The following GLIS3 variants were observed in gnomAD, a reference collection of about 807,000 sequenced individuals.
The protein encoded by GLIS3 is zinc finger protein GLIS3.
A neutral mutation model predicts 78.6 loss-of-function variants in GLIS3; 53 were observed. The ratio of observed to expected loss-of-function variants is 0.67; its 90% CI spans 0.54 to 0.85. The LOEUF (loss-of-function observed/expected upper bound fraction) is 0.85. Ranked by LOEUF, GLIS3 falls within the 40% of genes least tolerant of loss-of-function variation. The probability of loss-of-function intolerance (pLI) is 0.00; values close to 1 mark genes in which losing one functional copy is unlikely to be tolerated. For synonymous variants in GLIS3, 684 were observed against 509.9 expected (o/e 1.34, Z -4.60); for missense variants, 1,703 against 1,231.1 (o/e 1.38, Z -5.74).
intron 8 of GLIS3, among the ~76,000 whole-genome samples, chr9:3,878,406 A>G (rs73384253): frequency 0.061 from 9,300 of 152,244 alleles, 955 homozygotes; most frequent in African/African-American, 0.21. Context: ...ACATTCATTA[A>G]ACAAAATAAT....
chr9:4,172,940 G>A (rs574397404), intron 2 of GLIS3, among the ~76,000 whole-genome samples: 90 of 152,206 alleles, frequency 5.9e-4, no homozygotes, highest in African/African-American at 1.9e-3. Flanking sequence ...TTGCTCTTTC[G>A]ATTTTCCGAG....
chr9:4,327,113 G>T (rs1421562180), intron 2 of GLIS3, among the ~76,000 whole-genome samples: 1 of 152,168 alleles, frequency 6.6e-6, no homozygotes, highest in Non-Finnish European at 1.5e-5. Context: ...AGTGGGACAG[G>T]AGCTGAGAGA....
intron 2 of GLIS3, among the ~76,000 whole-genome samples, chr9:4,339,573 T>C (rs1279830101): frequency 6.6e-6 from 1 of 151,044 alleles, no homozygotes; most frequent in African/African-American, 2.4e-5. Flanking sequence ...TCCAACCTGT[T>C]GCTTCTGGTC....
At chr9:4,300,487 G>A (rs1470868507), upstream of GLIS3, among the ~76,000 whole-genome samples, 1 of 152,164 alleles carries the variant, frequency 6.6e-6, no homozygotes, top group East Asian at 1.9e-4. Flanking sequence ...ATATCGGATC[G>A]GATGCACATG....
chr9:4,168,855 C>T (rs1432810302), intron 2 of GLIS3, among the ~76,000 whole-genome samples: 1 of 152,130 alleles, frequency 6.6e-6, no homozygotes, highest in African/African-American at 2.4e-5. Context: ...CCTCGTTAGG[C>T]CTAATTGTCG....
chr9:4,262,170 A>G (rs976000094), intron 2 of GLIS3, among the ~76,000 whole-genome samples: 1 of 152,068 alleles, frequency 6.6e-6, no homozygotes, highest in Non-Finnish European at 1.5e-5. Flanking sequence ...TGCAAGGGGG[A>G]GAAAAAGGAA....
intron 4 of GLIS3, among the ~76,000 whole-genome samples, chr9:4,047,443 A>C (rs1825345817): frequency 6.6e-6 from 1 of 152,000 alleles, no homozygotes; most frequent in Non-Finnish European, 1.5e-5. Flanking sequence ...ACTTTTTTAG[A>C]CCCATATTCT....
the GLIS3 span, among the ~76,000 whole-genome samples, chr9:4,363,115 C>G: frequency 6.6e-6 from 1 of 152,084 alleles, no homozygotes; most frequent in Non-Finnish European, 1.5e-5. Flanking sequence ...TAGAAGTGAT[C>G]AAAAACCAAT....
Position 4,162,852 on chromosome 9 carries a change from G to C in GLIS3, c.389-36911C>G, listed in dbSNP as rs1453776482. On this transcript the variant is annotated intron_variant, in intron 2 of 10. Coordinates refer to ENST00000381971, the MANE Select transcript of GLIS3 (RefSeq NM_001042413.2). ...AGCCCGGGCGACAGAGTCTCGCTCT[G>C]TCAAAAAAAAAAAAAAAAAAAAAAA... 9.5e-4 allele frequency among the ~76,000 whole-genome samples: 44 copies of C among 46,506 alleles called. No homozygotes were observed. In the Admixed American group the frequency reaches 0.016, roughly 16 times the overall value. 30.5% of individuals were successfully genotyped at this position (46,506 alleles called of 152,430 possible). A position where few individuals can be genotyped will look rare whatever the true frequency, so the allele number is the denominator to read the frequency against.
the GLIS3 span, among the ~76,000 whole-genome samples, chr9:4,426,689 G>C: frequency 1.3e-5 from 2 of 152,204 alleles, no homozygotes; most frequent in African/African-American, 4.8e-5. Context: ...TTTGAGGTCT[G>C]AAACTAGAAT....
chr9:3,965,238 G>C (rs10974262), intron 4 of GLIS3, among the ~76,000 whole-genome samples: 6 of 126,140 alleles, frequency 4.8e-5, no homozygotes, highest in African/African-American at 1.9e-4. Context: ...TCAGTGCCCA[G>C]GCTGGAGTGC....
chr9:3,837,003 A>T (rs1818393528), intron 9 of GLIS3, among the ~76,000 whole-genome samples: 1 of 152,180 alleles, frequency 6.6e-6, no homozygotes, highest in Non-Finnish European at 1.5e-5. Context: ...GTCACCTGGA[A>T]AAGAATTCAC....
the GLIS3 span, among the ~76,000 whole-genome samples, chr9:4,420,091 C>T: frequency 6.6e-6 from 1 of 152,148 alleles, no homozygotes; most frequent in Admixed American, 6.5e-5. Context: ...CTGTGGTGCT[C>T]ACTCCTGGAG....
intron 4 of GLIS3, among the ~76,000 whole-genome samples, chr9:4,070,532 A>G (rs898218486): frequency 1.3e-5 from 2 of 151,712 alleles, no homozygotes; most frequent in Non-Finnish European, 2.9e-5. Context: ...GTGCGTAAGT[A>G]TTTGTGTGTG....
At chr9:4,147,636 T>C (rs1398387907) in intron 2 of GLIS3, 5 of 150,698 alleles carry the variant, frequency 3.3e-5, no homozygotes, top group Non-Finnish European at 5.9e-5. Flanking sequence ...GGAAAGCATC[T>C]GACAAATGCA....
At chr9:4,318,201 G>A (rs1014562069) in intron 2 of GLIS3, among the ~76,000 whole-genome samples, 3 of 152,170 alleles carry the variant, frequency 2.0e-5, no homozygotes, top group African/African-American at 7.2e-5. Context: ...ATGATGGAAA[G>A]TGGGGAGGTA....
At chr9:4,429,616 T>A in the GLIS3 span, among the ~76,000 whole-genome samples, 1 of 152,176 alleles carries the variant, frequency 6.6e-6, no homozygotes, top group East Asian at 1.9e-4. Context: ...ATTTTACATC[T>A]ATGTGTATGA....
chr9:4,135,406 G>A (rs1332551853), intron 2 of GLIS3, among the ~76,000 whole-genome samples: 3 of 152,026 alleles, frequency 2.0e-5, no homozygotes, highest in African/African-American at 7.2e-5. Context: ...ATTCAAATAT[G>A]AGTATGTATG....
chr9:4,272,862 T>G (rs1328569803), intron 2 of GLIS3, among the ~76,000 whole-genome samples: 1 of 152,228 alleles, frequency 6.6e-6, no homozygotes, highest in Admixed American at 6.5e-5. Flanking sequence ...AGGATAGTCC[T>G]ATGCGTAATT....
Sources: gnomAD v4.1 joint callset for allele counts (sites outside exome capture counted in the v4.1 genomes callset) on GRCh38, gnomAD v4.1.1 for gene constraint, MANE v1.5 for transcripts, NCBI Gene and HGNC (gene_info 2026-07-23, HGNC 2026-07-21) for gene names.